Variants in ASXL3 observed in about 807,000 individuals in gnomAD.
ASXL3 encodes putative Polycomb group protein ASXL3.
ASXL3 carries 34 observed loss-of-function variants against 170.6 expected under a neutral mutation model. The observed-to-expected ratio is 0.20, with a 90% CI of 0.15 to 0.27. The LOEUF is 0.27. ASXL3 is among the 10% of genes least tolerant of loss of function. ASXL3 has a pLI of 1.00. For missense variants in ASXL3, 2,592 were observed against 2,695.3 expected (o/e 0.96, Z 0.85); for synonymous variants, 1,002 against 989.1 (o/e 1.01, Z -0.24).
chr18:33,628,446 A>G (rs1202872148), intron 2 of ASXL3, among the ~76,000 whole-genome samples: 2 of 152,186 alleles, frequency 1.3e-5, no homozygotes, highest in Admixed American at 6.6e-5. Context: ...GAAAATTTCC[A>G]GAGTTTTCCT....
chr18:33,619,741 T>C (rs16964803), intron 2 of ASXL3, among the ~76,000 whole-genome samples: 13,689 of 152,114 alleles, frequency 0.09, 697 homozygotes, highest in African/African-American at 0.12. Context: ...AACCTACTAG[T>C]CAAATCATAA....
chr18:33,597,094 C>G (rs371838949), intron 1 of ASXL3, among the ~76,000 whole-genome samples: 1 of 152,146 alleles, frequency 6.6e-6, no homozygotes, highest in Non-Finnish European at 1.5e-5. Flanking sequence ...GGATTACAGA[C>G]GTGACCCACT....
At chr18:33,640,853 GT>G (rs2065835824) in intron 2 of ASXL3, among the ~76,000 whole-genome samples, 2 of 24,124 alleles carry the variant, frequency 8.3e-5, no homozygotes, top group East Asian at 0.024. Flanking sequence ...TGAATTTGTT[GT>G]TTTTATGCTT....
At chr18:33,640,484 C>T (rs1037489325) in intron 2 of ASXL3, among the ~76,000 whole-genome samples, 1 of 151,952 alleles carries the variant, frequency 6.6e-6, no homozygotes, top group Non-Finnish European at 1.5e-5. Flanking sequence ...GAGCCATCCT[C>T]ATTCTTCTCC....
rs546188053 is a variant in ASXL3 at position 33,738,060 on chromosome 18, T to G, written c.1083-427T>G. On this transcript the variant is annotated intron_variant, in intron 10 of 11. Transcript: ENST00000269197. ...GCTCGTATCTCCTTACTTTACAAAA[T>G]AAAAATCTAGACTGTTCTTAACCAG... is the stretch of plus-strand genomic sequence containing the variant. Among the ~76,000 whole-genome samples, 25 of 152,280 alleles carry G rather than the reference T, an allele frequency of 1.6e-4. 1 individual carries two copies. In the East Asian group the frequency reaches 4.8e-3, roughly 29 times the overall value.
chr18:33,600,821 C>A (rs566078983), intron 1 of ASXL3, among the ~76,000 whole-genome samples: 7 of 152,188 alleles, frequency 4.6e-5, no homozygotes, highest in East Asian at 1.9e-4. Context: ...TGACCCTGGG[C>A]AACTGAAGTA....
At position 33,749,525 on chromosome 18, in the gene ASXL3, C is replaced by T. The variant is rs2067851491; in HGVS notation, c.*2930C>T. The T allele has an allele frequency of 6.6e-6, 1 of 151,872 alleles. No individual in the cohort carries two copies. Among genetic ancestry groups the T allele is most frequent in the Non-Finnish European group, 1.5e-5 (1 of 67,996 alleles). 9.4% of individuals were successfully genotyped at this position (151,872 alleles called of 1,614,324 possible). On this transcript the variant is annotated 3_prime_UTR_variant, in exon 12 of 12. Coordinates refer to ENST00000269197, the MANE Select transcript of ASXL3 (RefSeq NM_030632.3). ...AGGAAGAAAACTGCTATTCCCTAAT[C>T]CTCCTCCTATAAGATATGCATATGC...
chr18:33,593,118 G>A (rs182248382), intron 1 of ASXL3, among the ~76,000 whole-genome samples: 58 of 152,194 alleles, frequency 3.8e-4, no homozygotes, highest in African/African-American at 1.4e-3. Context: ...ATGAGTTCAG[G>A]TTCCCAAGTT....
At chr18:33,591,901 A>T (rs1194549382) in intron 1 of ASXL3, among the ~76,000 whole-genome samples, 2 of 151,986 alleles carry the variant, frequency 1.3e-5, no homozygotes, top group African/African-American at 4.8e-5. Context: ...TCAGCCTCCC[A>T]AAGTGCTGGG....
At chr18:33,633,174 G>T (rs2065706212) in intron 2 of ASXL3, among the ~76,000 whole-genome samples, 1 of 152,140 alleles carries the variant, frequency 6.6e-6, no homozygotes, top group African/African-American at 2.4e-5. Context: ...TCATTAGAAG[G>T]TAATTTGGAA....
At chr18:33,716,373 T>G (rs1291130995) in intron 8 of ASXL3, among the ~76,000 whole-genome samples, 2 of 152,184 alleles carry the variant, frequency 1.3e-5, no homozygotes, top group South Asian at 4.1e-4. Flanking sequence ...TTTGTATAAA[T>G]AGTGTTTCCC....
chr18:33,696,500 C>T (rs2066775063), intron 8 of ASXL3, among the ~76,000 whole-genome samples: 2 of 152,008 alleles, frequency 1.3e-5, no homozygotes, highest in African/African-American at 4.8e-5. Context: ...TGAGGAGTTT[C>T]TGCAGGAGAT....
intron 2 of ASXL3, among the ~76,000 whole-genome samples, chr18:33,610,845 C>T (rs985858246): frequency 3.0e-4 from 46 of 151,932 alleles, no homozygotes; most frequent in African/African-American, 1.1e-3. Context: ...AAACTTAACA[C>T]GTTTGTGGAA....
chr18:33,665,645 C>G (rs1282225413), intron 5 of ASXL3, among the ~76,000 whole-genome samples: 1 of 152,140 alleles, frequency 6.6e-6, no homozygotes, highest in African/African-American at 2.4e-5. Context: ...ACAAAAGCCT[C>G]TGATTTGAAG....
chr18:33,670,175 C>G (rs1287236030), intron 5 of ASXL3, among the ~76,000 whole-genome samples: 1 of 152,192 alleles, frequency 6.6e-6, no homozygotes, highest in Non-Finnish European at 1.5e-5. Flanking sequence ...TTGTGCAGTG[C>G]TCCCCATGGC....
At chr18:33,687,775 A>G (rs2066620397) in intron 8 of ASXL3, among the ~76,000 whole-genome samples, 1 of 152,094 alleles carries the variant, frequency 6.6e-6, no homozygotes, top group Admixed American at 6.6e-5. Flanking sequence ...TGCTGCATCT[A>G]GTTTTATACT....
chr18:33,614,860 C>T (rs996641547), intron 2 of ASXL3: 1 of 151,566 alleles, frequency 6.6e-6, no homozygotes, highest in Non-Finnish European at 1.5e-5. Context: ...GTCTTAACAG[C>T]TTAAAATATT....
intron 8 of ASXL3, among the ~76,000 whole-genome samples, chr18:33,716,226 C>T (rs190175854): frequency 1.1e-4 from 16 of 152,218 alleles, no homozygotes; most frequent in South Asian, 2.1e-4. Context: ...ACATTTCTTA[C>T]GGTGAACACA....
chr18:33,598,398 A>G (rs577018231), intron 1 of ASXL3, among the ~76,000 whole-genome samples: 3 of 152,228 alleles, frequency 2.0e-5, no homozygotes, highest in Admixed American at 6.5e-5. Flanking sequence ...CCTTGTAAAT[A>G]TTGTCCATTG....
Sources: gnomAD v4.1 joint callset for allele counts (sites outside exome capture counted in the v4.1 genomes callset) on GRCh38, gnomAD v4.1.1 for gene constraint, MANE v1.5 for transcripts, NCBI Gene and HGNC (gene_info 2026-07-23, HGNC 2026-07-21) for gene names.